FSTL5: variants seen among roughly 807,000 people sequenced by gnomAD.
FSTL5 encodes the protein follistatin like 5, also known as follistatin-related protein 5.
Under a neutral mutation model 89.1 loss-of-function variants are expected in FSTL5, and 62 were observed. The ratio of observed to expected loss-of-function variants is 0.70; its 90% confidence interval spans 0.57 to 0.86. The LOEUF is 0.86. Among genes scored for constraint, FSTL5 ranks in the 40% least tolerant of loss-of-function variants. FSTL5 has a pLI of 0.00. For missense variants in FSTL5, 1,057 were observed against 1,001.6 expected, an observed-to-expected ratio of 1.06 and a Z score of -0.75; for synonymous variants, 383 against 346.2, an observed-to-expected ratio of 1.11 and a Z score of -1.18.
chr4:161,721,006 C>T lies in FSTL5; in HGVS notation c.727+38405G>A, dbSNP rs570525695. ...TACTTAAAATTTTTCTGGCCGGGCG[C>T]GGTGGCTCACGCCTGTAATCCCAGC... On this transcript the variant is annotated intron_variant, in intron 6 of 15. Transcript: ENST00000306100. 2.9e-3 allele frequency among the ~76,000 whole-genome samples: 448 copies of T among 152,148 alleles called. 2 individuals are homozygous for T. Among genetic ancestry groups the T allele is most frequent in the African/African-American group, 9.9e-3 (413 of 41,534 alleles).
intron 2 of FSTL5, among the ~76,000 whole-genome samples, chr4:162,108,895 C>T (rs1731331953): frequency 6.6e-6 from 1 of 151,758 alleles, no homozygotes; most frequent in African/African-American, 2.4e-5. Flanking sequence ...TACCATGTGC[C>T]CAATACTATC....
chr4:162,115,459 G>C (rs1731601648), intron 1 of FSTL5, among the ~76,000 whole-genome samples: 1 of 152,160 alleles, frequency 6.6e-6, no homozygotes, highest in South Asian at 2.1e-4. Context: ...TCTTAGTATA[G>C]TAACCTCTGA....
chr4:162,129,004 A>T (rs1034337910), intron 1 of FSTL5, among the ~76,000 whole-genome samples: 4 of 149,096 alleles, frequency 2.7e-5, no homozygotes, highest in African/African-American at 1.0e-4. Context: ...GGCTCGCTGC[A>T]ACCTCCGGCT....
chr4:161,963,113 A>G lies in FSTL5; in HGVS notation c.161-42461T>C, dbSNP rs147599850. Among the ~76,000 whole-genome samples, 1,516 of 152,074 alleles carry G rather than the reference A, an allele frequency of 1.0e-2. 24 individuals are homozygous for G. The highest frequency in any genetic ancestry group is 0.034 in the African/African-American group (1,417 of 41,530). ...AAATTTAAATAAAATATGTAAGTTA[A>G]ATACTATGCAAAACACCTGGCAAAA... On this transcript the variant is annotated intron_variant, in intron 3 of 15. Transcript: ENST00000306100.
intron 7 of FSTL5, among the ~76,000 whole-genome samples, chr4:161,612,854 T>C (rs1734698367): frequency 6.6e-6 from 1 of 152,026 alleles, no homozygotes; most frequent in East Asian, 1.9e-4. Context: ...GTGGTATCAA[T>C]TATGTTACAA....
chr4:161,946,396 T>C (rs1043631057), intron 3 of FSTL5, among the ~76,000 whole-genome samples: 2 of 152,220 alleles, frequency 1.3e-5, no homozygotes, highest in Admixed American at 1.3e-4. Context: ...CTATAATGTA[T>C]AATTATGTTT....
intron 6 of FSTL5, among the ~76,000 whole-genome samples, chr4:161,711,214 A>G (rs1189955645): frequency 6.6e-6 from 1 of 152,058 alleles, no homozygotes; most frequent in African/African-American, 2.4e-5. Flanking sequence ...AAAATAGAAA[A>G]AATTAAGAAA....
chr4:162,020,764 A>C (rs567761562), intron 3 of FSTL5, among the ~76,000 whole-genome samples: 1 of 152,198 alleles, frequency 6.6e-6, no homozygotes, highest in Non-Finnish European at 1.5e-5. Flanking sequence ...AAAGTTACTT[A>C]TTATTTAATT....
intron 5 of FSTL5, among the ~76,000 whole-genome samples, chr4:161,760,911 C>T (rs1245630190): frequency 2.0e-5 from 3 of 151,866 alleles, no homozygotes; most frequent in Admixed American, 2.0e-4. Flanking sequence ...TGTAGATAGA[C>T]TGAGGAGATA....
At chr4:161,974,880 T>C (rs1735588734) in intron 3 of FSTL5, among the ~76,000 whole-genome samples, 1 of 151,930 alleles carries the variant, frequency 6.6e-6, no homozygotes, top group African/African-American at 2.4e-5. Flanking sequence ...AGCCAAAATC[T>C]ACAATGAAAT....
At chr4:161,848,828 A>G (rs1731460426) in intron 4 of FSTL5, among the ~76,000 whole-genome samples, 1 of 152,172 alleles carries the variant, frequency 6.6e-6, no homozygotes, top group Non-Finnish European at 1.5e-5. Flanking sequence ...TCAATTTAAA[A>G]GGGATGCACA....
In FSTL5 at chr4:161,889,277, A is replaced by G. The variant is rs566533294; in HGVS notation, c.409+31127T>C. 3.3e-5 allele frequency among the ~76,000 whole-genome samples: 5 copies of G among 152,248 alleles called. No individual in the cohort carries two copies. The South Asian group carries it at 1.0e-3, about 32-fold the overall frequency. On this transcript the variant is annotated intron_variant, in intron 4 of 15. Transcript: ENST00000306100. ...CTATTTTATTATAATACTATGGAAT[A>G]CTTGGATATGGTTTGATTGGCGAGA...
At chr4:161,579,830 A>G (rs963143251) in intron 8 of FSTL5, among the ~76,000 whole-genome samples, 3 of 151,928 alleles carry the variant, frequency 2.0e-5, no homozygotes, top group African/African-American at 7.2e-5. Flanking sequence ...CCCAGGATAC[A>G]AATGTTTAAG....
At chr4:162,145,606 A>G (rs1732942895) in intron 1 of FSTL5, among the ~76,000 whole-genome samples, 1 of 152,138 alleles carries the variant, frequency 6.6e-6, no homozygotes. Context: ...TTCCATAATA[A>G]GGGAAAAAAA....
At chr4:161,804,974 C>G (rs1729912711) in intron 4 of FSTL5, among the ~76,000 whole-genome samples, 1 of 152,006 alleles carries the variant, frequency 6.6e-6, no homozygotes, top group Non-Finnish European at 1.5e-5. Flanking sequence ...AGAATACATG[C>G]TCTTTTGAGG....
intron 4 of FSTL5, among the ~76,000 whole-genome samples, chr4:161,796,007 T>C (rs1202006649): frequency 6.6e-6 from 1 of 151,918 alleles, no homozygotes; most frequent in Non-Finnish European, 1.5e-5. Context: ...CAGCCAAAAA[T>C]ACAATATCAG....
chr4:161,868,974 C>A (rs1254881436), intron 4 of FSTL5, among the ~76,000 whole-genome samples: 5 of 152,138 alleles, frequency 3.3e-5, no homozygotes, highest in Non-Finnish European at 1.5e-5. Context: ...GTAATCCCAG[C>A]AATTTGGGAG....
intron 6 of FSTL5, among the ~76,000 whole-genome samples, chr4:161,731,985 AT>A (rs1402693686): frequency 9.9e-5 from 15 of 151,812 alleles, no homozygotes; most frequent in African/African-American, 3.4e-4. Flanking sequence ...ATTGACTTTC[AT>A]TTTTCATCTT....
intron 7 of FSTL5, among the ~76,000 whole-genome samples, chr4:161,636,029 G>A (rs1560761007): frequency 2.0e-5 from 3 of 150,298 alleles, no homozygotes; most frequent in Non-Finnish European, 3.0e-5. Flanking sequence ...AGTAACATAC[G>A]TAGTTACGGA....
Sources: allele counts gnomAD v4.1 joint callset (sites outside exome capture counted in the v4.1 genomes callset), GRCh38; gene constraint gnomAD v4.1.1; transcripts MANE v1.5; gene names NCBI Gene and HGNC (gene_info 2026-07-23, HGNC 2026-07-21).